Variants in LRMDA observed in about 807,000 individuals in gnomAD.
LRMDA encodes leucine rich melanocyte differentiation associated.
Under a neutral mutation model 29.8 loss-of-function variants are expected in LRMDA, and 18 were observed. That is an observed-to-expected ratio of 0.60 (90% CI 0.42 to 0.90). The LOEUF (loss-of-function observed/expected upper bound fraction) is 0.90, where lower values mean the gene tolerates loss of function less well. Among genes scored for constraint, LRMDA ranks in the 40% least tolerant of loss-of-function variants. The pLI is 0.00. For missense variants in LRMDA, 273 were observed against 273.9 expected, an observed-to-expected ratio of 1.00 and a Z score of 0.02; for synonymous variants, 125 against 109.4, an observed-to-expected ratio of 1.14 and a Z score of -0.89.
intron 2 of LRMDA, among the ~76,000 whole-genome samples, chr10:75,533,532 A>G (rs1218433631): frequency 6.6e-6 from 1 of 152,218 alleles, no homozygotes; most frequent in Non-Finnish European, 1.5e-5. Context: ...ACTCATATTT[A>G]TTGTTTCTCC....
At chr10:75,714,841 C>T (rs1481537483) in intron 2 of LRMDA, among the ~76,000 whole-genome samples, 2 of 122,620 alleles carry the variant, frequency 1.6e-5, no homozygotes, top group Non-Finnish European at 3.3e-5. Flanking sequence ...TTCTTTCCCT[C>T]CCTCCCTCCC....
chr10:76,018,162 G>A (rs1215125305), intron 2 of LRMDA, among the ~76,000 whole-genome samples: 5 of 152,212 alleles, frequency 3.3e-5, no homozygotes, highest in African/African-American at 7.2e-5. Context: ...ACAATAGACA[G>A]AGCAAAAGTC....
intron 2 of LRMDA, among the ~76,000 whole-genome samples, chr10:75,673,586 A>G (rs1358512491): frequency 2.0e-5 from 3 of 152,104 alleles, no homozygotes; most frequent in African/African-American, 7.2e-5. Flanking sequence ...ATATAAACCT[A>G]TGTATTCTCT....
intron 6 of LRMDA, among the ~76,000 whole-genome samples, chr10:76,533,152 T>C (rs72819376): frequency 3.2e-5 from 2 of 63,388 alleles, no homozygotes; most frequent in African/African-American, 7.9e-5. Context: ...AGAGCGAGAG[T>C]GAGAGAGAGC....
chr10:75,572,432 A>G (rs941179437), intron 2 of LRMDA, among the ~76,000 whole-genome samples: 1 of 152,004 alleles, frequency 6.6e-6, no homozygotes, highest in Non-Finnish European at 1.5e-5. Flanking sequence ...CACCCCCGGC[A>G]GATAGAACAA....
chr10:75,766,719 T>C (rs1843173365), intron 2 of LRMDA, among the ~76,000 whole-genome samples: 1 of 152,180 alleles, frequency 6.6e-6, no homozygotes, highest in Non-Finnish European at 1.5e-5. Context: ...GGTGGTTTGC[T>C]ATACCTATCA....
intron 2 of LRMDA, among the ~76,000 whole-genome samples, chr10:75,998,843 T>C (rs1847515625): frequency 1.3e-5 from 2 of 152,178 alleles, no homozygotes; most frequent in South Asian, 4.1e-4. Flanking sequence ...GAGTTAATAA[T>C]GTATTGCAGA....
intron 2 of LRMDA, among the ~76,000 whole-genome samples, chr10:76,014,119 T>TA: frequency 7.5e-6 from 1 of 133,310 alleles, no homozygotes; most frequent in African/African-American, 2.9e-5. Flanking sequence ...TATATATATA[T>TA]ATATAATTAT....
chr10:75,747,425 C>T (rs1842902858), intron 2 of LRMDA, among the ~76,000 whole-genome samples: 1 of 151,842 alleles, frequency 6.6e-6, no homozygotes, highest in Admixed American at 6.6e-5. Flanking sequence ...GGTTAACAAG[C>T]AAAAAATAAT....
chr10:75,783,162 C>A, intron 2 of LRMDA: 2 of 1,132,732 alleles, frequency 1.8e-6, no homozygotes, highest in Non-Finnish European at 2.6e-6. Flanking sequence ...TTTCTTTTAA[C>A]ATTGTCAGTG....
At chr10:75,618,965 T>G (rs1841146213) in intron 2 of LRMDA, among the ~76,000 whole-genome samples, 2 of 151,876 alleles carry the variant, frequency 1.3e-5, no homozygotes, top group Non-Finnish European at 2.9e-5. Context: ...TATTTTTTAT[T>G]TTTTTGTATT....
At chr10:75,909,314 T>C (rs994208486) in intron 2 of LRMDA, among the ~76,000 whole-genome samples, 2 of 152,182 alleles carry the variant, frequency 1.3e-5, no homozygotes, top group Non-Finnish European at 2.9e-5. Flanking sequence ...TGAAATCATA[T>C]GTGGGATCCT....
chr10:76,464,661 C>T (rs1463158582), intron 6 of LRMDA, among the ~76,000 whole-genome samples: 2 of 152,158 alleles, frequency 1.3e-5, no homozygotes, highest in Non-Finnish European at 2.9e-5. Flanking sequence ...AATGGGGTAA[C>T]CTCAAATACC....
chr10:75,699,555 A>C (rs1341166540), intron 2 of LRMDA, among the ~76,000 whole-genome samples: 3 of 152,244 alleles, frequency 2.0e-5, no homozygotes, highest in African/African-American at 7.2e-5. Flanking sequence ...CATTTTGGTT[A>C]ATTGACATCA....
intron 5 of LRMDA, among the ~76,000 whole-genome samples, chr10:76,106,094 C>T (rs1849479682): frequency 6.6e-6 from 1 of 152,186 alleles, no homozygotes; most frequent in African/African-American, 2.4e-5. Flanking sequence ...TTTGTTATAG[C>T]AGCCCCAGGA....
chr10:76,165,814 C>T (rs1056171556), intron 5 of LRMDA, among the ~76,000 whole-genome samples: 2 of 152,264 alleles, frequency 1.3e-5, no homozygotes, highest in Middle Eastern at 6.8e-3. Context: ...CAAGTCCCCC[C>T]CACAACACGT....
At chr10:75,811,869 C>T (rs1480719936) in intron 2 of LRMDA, among the ~76,000 whole-genome samples, 3 of 152,200 alleles carry the variant, frequency 2.0e-5, no homozygotes, top group African/African-American at 7.2e-5. Context: ...TCCTCTGGAA[C>T]TTCCCTCATC....
chr10:75,882,482 G>A (rs551094465), intron 2 of LRMDA, among the ~76,000 whole-genome samples: 14 of 152,274 alleles, frequency 9.2e-5, no homozygotes, highest in African/African-American at 3.4e-4. Flanking sequence ...TTTTCTACAG[G>A]TATCTCAAGA....
At chr10:75,976,156 C>T (rs1174361567) in intron 2 of LRMDA, among the ~76,000 whole-genome samples, 7 of 152,248 alleles carry the variant, frequency 4.6e-5, no homozygotes, top group Non-Finnish European at 5.9e-5. Flanking sequence ...GTCCTATCAA[C>T]GTCTCCCACT....
Sources: gnomAD v4.1 joint callset for allele counts (sites outside exome capture counted in the v4.1 genomes callset) on GRCh38, gnomAD v4.1.1 for gene constraint, MANE v1.5 for transcripts, NCBI Gene and HGNC (gene_info 2026-07-23, HGNC 2026-07-21) for gene names.